AKAP19: variants seen among roughly 807,000 people sequenced by gnomAD.
AKAP19 encodes the protein A-kinase anchoring protein 19.
the AKAP19 span, among the ~76,000 whole-genome samples, chr2:190,170,616 T>C: frequency 6.6e-6 from 1 of 152,212 alleles, no homozygotes; most frequent in Non-Finnish European, 1.5e-5. Context: ...AGATGGACTA[T>C]GTCATATTGA....
chr2:190,073,322 A>G, the AKAP19 span, among the ~76,000 whole-genome samples: 1 of 152,196 alleles, frequency 6.6e-6, no homozygotes, highest in Non-Finnish European at 1.5e-5. Flanking sequence ...TCCTCAATGG[A>G]CAGGTAATGT....
chr2:190,013,770 G>A, the AKAP19 span, among the ~76,000 whole-genome samples: 7 of 151,726 alleles, frequency 4.6e-5, no homozygotes, highest in African/African-American at 7.3e-5. Context: ...CACCCACCTC[G>A]GCCTCCCAAA....
the AKAP19 span, among the ~76,000 whole-genome samples, chr2:190,074,004 T>G: frequency 8.5e-4 from 128 of 150,210 alleles, no homozygotes; most frequent in Admixed American, 2.2e-3. Context: ...ATTGTGCCAC[T>G]GCACTTCAGC....
At chr2:190,056,869 C>A in the AKAP19 span, 1 of 214,288 alleles carries the variant, frequency 4.7e-6, no homozygotes, top group Non-Finnish European at 9.5e-6. Flanking sequence ...TGCATTTTAC[C>A]AATACTGTAT....
chr2:189,935,663 T>C, the AKAP19 span, among the ~76,000 whole-genome samples: 2 of 152,126 alleles, frequency 1.3e-5, no homozygotes, highest in Non-Finnish European at 2.9e-5. Flanking sequence ...AGTTATGTTA[T>C]ATAAATTAGT....
the AKAP19 span, among the ~76,000 whole-genome samples, chr2:190,028,663 C>T: frequency 6.6e-6 from 1 of 151,942 alleles, no homozygotes; most frequent in Admixed American, 6.6e-5. Flanking sequence ...AATTAAGAAA[C>T]ATTCCAGCAT....
At chr2:189,916,908 T>C in the AKAP19 span, among the ~76,000 whole-genome samples, 3 of 152,200 alleles carry the variant, frequency 2.0e-5, no homozygotes, top group Non-Finnish European at 4.4e-5. Flanking sequence ...TCTGGTTTCA[T>C]TCACCGTATA....
At chr2:190,100,524 A>G in the AKAP19 span, among the ~76,000 whole-genome samples, 1 of 152,222 alleles carries the variant, frequency 6.6e-6, no homozygotes, top group Non-Finnish European at 1.5e-5. Context: ...AAATCATACC[A>G]TAAAACAAAT....
chr2:189,884,711 A>T, the AKAP19 span, among the ~76,000 whole-genome samples: 5 of 152,218 alleles, frequency 3.3e-5, no homozygotes, highest in African/African-American at 1.2e-4. Flanking sequence ...GAGTTTGAGG[A>T]TACTCTGTTT....
the AKAP19 span, among the ~76,000 whole-genome samples, chr2:190,119,170 A>C: frequency 6.6e-6 from 1 of 152,216 alleles, no homozygotes; most frequent in Admixed American, 6.5e-5. Context: ...GTTTAGATAA[A>C]ATGACACGGA....
the AKAP19 span, among the ~76,000 whole-genome samples, chr2:189,939,343 G>A: frequency 6.6e-6 from 1 of 152,122 alleles, no homozygotes; most frequent in Middle Eastern, 3.2e-3. Flanking sequence ...CACTCTGATT[G>A]TTTACTAGAA....
At chr2:190,062,566 A>G in the AKAP19 span, 1 of 1,612,780 alleles carries the variant, frequency 6.2e-7, no homozygotes, top group Non-Finnish European at 8.5e-7. Flanking sequence ...ATAAACAGGT[A>G]AATATAAACA....
chr2:189,970,531 C>T, the AKAP19 span, among the ~76,000 whole-genome samples: 21 of 151,046 alleles, frequency 1.4e-4, no homozygotes, highest in African/African-American at 4.1e-4. Flanking sequence ...ATACTGTGTT[C>T]GAGATATATA....
At chr2:189,915,384 A>G in the AKAP19 span, among the ~76,000 whole-genome samples, 1 of 152,130 alleles carries the variant, frequency 6.6e-6, no homozygotes, top group African/African-American at 2.4e-5. Context: ...TTATTAAATG[A>G]CATTCCTCTG....
chr2:189,963,882 G>A, the AKAP19 span, among the ~76,000 whole-genome samples: 2 of 151,740 alleles, frequency 1.3e-5, no homozygotes, highest in East Asian at 3.9e-4. Flanking sequence ...TCCCACCTCA[G>A]CCTCCTGAGT....
At chr2:190,057,702 T>G in the AKAP19 span, 1 of 1,545,592 alleles carries the variant, frequency 6.5e-7, no homozygotes, top group Non-Finnish European at 8.9e-7. Context: ...TCTACCTACC[T>G]TAAGAAGTTA....
At chr2:189,966,438 AC>A in the AKAP19 span, among the ~76,000 whole-genome samples, 2,333 of 152,328 alleles carry the variant, frequency 0.015, 55 homozygotes, top group Admixed American at 0.068. Context: ...AATAAAGCAA[AC>A]TACAAAAAAT....
At chr2:189,971,287 T>C in the AKAP19 span, among the ~76,000 whole-genome samples, 1 of 152,230 alleles carries the variant, frequency 6.6e-6, no homozygotes, top group Non-Finnish European at 1.5e-5. Flanking sequence ...TCCAGCTTCA[T>C]CCATGTCCCT....
At chr2:189,956,193 G>A in the AKAP19 span, among the ~76,000 whole-genome samples, 1 of 998 alleles carries the variant, frequency 1.0e-3, no homozygotes, top group African/African-American at 4.3e-3. Flanking sequence ...TTTTTGAGAC[G>A]GAGTCTCGCT....
Sources: gnomAD v4.1 joint callset for allele counts (sites outside exome capture counted in the v4.1 genomes callset) on GRCh38, gnomAD v4.1.1 for gene constraint, MANE v1.5 for transcripts, NCBI Gene and HGNC (gene_info 2026-07-23, HGNC 2026-07-21) for gene names.